Variants in CNBD1 observed in about 807,000 individuals in gnomAD.
The protein encoded by CNBD1 is cyclic nucleotide-binding domain-containing protein 1.
In CNBD1, 71 loss-of-function variants were observed where a neutral mutation model predicts 54.4. The observed-to-expected ratio is 1.30, with a 90% CI of 1.08 to 1.59. The LOEUF is 1.59. Among genes scored for constraint, CNBD1 ranks in the 40% most tolerant of loss-of-function variants. The pLI is 0.00. For missense variants in CNBD1, 659 were observed against 518.0 expected (o/e 1.27, Z -2.64); for synonymous variants, 182 against 170.7 (o/e 1.07, Z -0.51).
chr8:87,152,907 C>T (rs1812636637), intron 4 of CNBD1, among the ~76,000 whole-genome samples: 1 of 152,056 alleles, frequency 6.6e-6, no homozygotes. Context: ...AGGCTTTTAA[C>T]CCAGAAATTC....
intron 4 of CNBD1, among the ~76,000 whole-genome samples, chr8:87,194,140 G>A (rs982968359): frequency 3.3e-5 from 5 of 152,144 alleles, no homozygotes; most frequent in Admixed American, 6.5e-5. Flanking sequence ...AATGATTAAT[G>A]CGCTTGAATC....
At chr8:87,420,985 G>A (rs551739148) in intron 2 of CNBD1, among the ~76,000 whole-genome samples, 3 of 151,936 alleles carry the variant, frequency 2.0e-5, no homozygotes, top group Non-Finnish European at 2.9e-5. Context: ...GCCAAACACA[G>A]GTTGGGAAAG....
chr8:86,923,774 T>C (rs73269848), intron 3 of CNBD1, among the ~76,000 whole-genome samples: 1,965 of 152,264 alleles, frequency 0.013, 24 homozygotes, highest in South Asian at 0.032. Flanking sequence ...AAAAGTTGGA[T>C]TCATTTCTGG....
intron 8 of CNBD1, among the ~76,000 whole-genome samples, chr8:87,300,098 A>G (rs1808955033): frequency 6.6e-6 from 1 of 152,202 alleles, no homozygotes; most frequent in South Asian, 2.1e-4. Context: ...ACATATGCAA[A>G]TCAGTTATCC....
intron 4 of CNBD1, among the ~76,000 whole-genome samples, chr8:87,099,120 T>TA (rs1444208378): frequency 1.4e-5 from 2 of 146,556 alleles, no homozygotes; most frequent in East Asian, 4.1e-4. Flanking sequence ...AACCTCAATA[T>TA]AAAAAATACA....
intron 8 of CNBD1, among the ~76,000 whole-genome samples, chr8:87,327,351 T>C (rs1429318377): frequency 6.6e-6 from 1 of 151,326 alleles, no homozygotes; most frequent in Non-Finnish European, 1.5e-5. Context: ...GCTTCCCGGC[T>C]GCTTTGTTTA....
At chr8:87,259,955 C>T (rs926534890) in intron 6 of CNBD1, among the ~76,000 whole-genome samples, 20 of 151,970 alleles carry the variant, frequency 1.3e-4, no homozygotes, top group South Asian at 4.1e-4. Flanking sequence ...TCCAGGTGCT[C>T]GGAGAAAGGA....
At chr8:87,315,704 G>A (rs183747004) in intron 8 of CNBD1, among the ~76,000 whole-genome samples, 106 of 152,066 alleles carry the variant, frequency 7.0e-4, no homozygotes, top group African/African-American at 2.5e-3. Flanking sequence ...GTTTTGGAGG[G>A]GTAAAATATC....
intron 2 of CNBD1, among the ~76,000 whole-genome samples, chr8:87,401,743 G>A (rs3923931): frequency 0.073 from 11,061 of 151,964 alleles, 507 homozygotes; most frequent in South Asian, 0.098. Flanking sequence ...TAGAAGCATG[G>A]ATTTTTTAAA....
intron 8 of CNBD1, among the ~76,000 whole-genome samples, chr8:87,308,152 C>T (rs2130888333): frequency 6.6e-6 from 1 of 152,206 alleles, no homozygotes; most frequent in South Asian, 2.1e-4. Flanking sequence ...GACTTACTGG[C>T]TGGAGTTGGG....
chr8:87,200,502 G>T (rs746083511), intron 4 of CNBD1, among the ~76,000 whole-genome samples: 3 of 151,796 alleles, frequency 2.0e-5, no homozygotes, highest in Admixed American at 6.6e-5. Flanking sequence ...CAACAAAATA[G>T]AAAAATTTAC....
intron 8 of CNBD1, among the ~76,000 whole-genome samples, chr8:87,300,795 AT>A (rs1308568650): frequency 2.0e-5 from 3 of 152,066 alleles, no homozygotes; most frequent in Admixed American, 6.6e-5. Flanking sequence ...GGAGATCTGA[AT>A]TTTTTTGTGT....
At chr8:87,369,683 G>A (rs545957934) in intron 10 of CNBD1, among the ~76,000 whole-genome samples, 1 of 151,572 alleles carries the variant, frequency 6.6e-6, no homozygotes, top group Admixed American at 6.6e-5. Context: ...GTACCATTGA[G>A]TATCATTTGT....
intron 4 of CNBD1, among the ~76,000 whole-genome samples, chr8:87,143,835 G>T (rs139955609): frequency 5.6e-4 from 85 of 152,138 alleles, no homozygotes; most frequent in African/African-American, 2.0e-3. Flanking sequence ...TCTTTTATAT[G>T]TAATTTTTAA....
At chr8:87,376,581 C>G (rs1010377043) in intron 10 of CNBD1, among the ~76,000 whole-genome samples, 7 of 151,906 alleles carry the variant, frequency 4.6e-5, no homozygotes, top group Non-Finnish European at 1.5e-5. Flanking sequence ...ACATGCTTCG[C>G]ACACATTTGG....
At chr8:87,376,743 T>G (rs1177117160) in intron 10 of CNBD1, among the ~76,000 whole-genome samples, 2 of 151,950 alleles carry the variant, frequency 1.3e-5, no homozygotes, top group African/African-American at 4.8e-5. Context: ...ACCCATTTTA[T>G]AGGTAAGGCA....
chr8:87,363,128 T>A (rs79301239), intron 10 of CNBD1, among the ~76,000 whole-genome samples: 15,051 of 152,118 alleles, frequency 0.099, 759 homozygotes, highest in African/African-American at 0.11. Flanking sequence ...GTTGTGTTAG[T>A]TTGCTGAAAA....
chr8:87,322,199 A>C (rs1273071644), intron 8 of CNBD1, among the ~76,000 whole-genome samples: 1 of 121,974 alleles, frequency 8.2e-6, no homozygotes, highest in Admixed American at 7.9e-5. Context: ...AATCCAGTCT[A>C]TCATTGTTGG....
At chr8:86,915,475 T>G (rs1275734683) in intron 3 of CNBD1, among the ~76,000 whole-genome samples, 1 of 152,194 alleles carries the variant, frequency 6.6e-6, no homozygotes, top group African/African-American at 2.4e-5. Context: ...AGTTGAGTTT[T>G]GGGGAAGGGC....
Sources: allele counts gnomAD v4.1 joint callset (sites outside exome capture counted in the v4.1 genomes callset), GRCh38; gene constraint gnomAD v4.1.1; transcripts MANE v1.5; gene names NCBI Gene and HGNC (gene_info 2026-07-23, HGNC 2026-07-21).